NRG3: variants seen among roughly 807,000 people sequenced by gnomAD.
NRG3 encodes the protein neuregulin 3.
Under a neutral mutation model 66.9 loss-of-function variants are expected in NRG3, and 31 were observed. The observed-to-expected ratio is 0.46, with a 90% CI of 0.35 to 0.63. NRG3 has a LOEUF of 0.63. Among genes scored for constraint, NRG3 ranks in the 20% least tolerant of loss-of-function variants. The pLI, the probability that NRG3 is intolerant of heterozygous loss-of-function variation, is 0.00. For missense variants in NRG3, 910 were observed against 878.9 expected (o/e 1.04, Z -0.45); for synonymous variants, 393 against 359.4 (o/e 1.09, Z -1.06).
At chr10:82,035,588 C>T (rs762187840) in intron 1 of NRG3, among the ~76,000 whole-genome samples, 2 of 152,048 alleles carry the variant, frequency 1.3e-5, no homozygotes, top group African/African-American at 2.4e-5. Context: ...GAAAATATTT[C>T]ACCATGTATG....
intron 2 of NRG3, among the ~76,000 whole-genome samples, chr10:82,380,419 A>G (rs1255681845): frequency 6.6e-6 from 1 of 152,186 alleles, no homozygotes; most frequent in Non-Finnish European, 1.5e-5. Context: ...AGTACTGTAT[A>G]TAAAGCATCA....
chr10:82,757,385 A>C (rs143729798), intron 3 of NRG3, among the ~76,000 whole-genome samples: 407 of 152,224 alleles, frequency 2.7e-3, no homozygotes, highest in African/African-American at 9.4e-3. Flanking sequence ...GACAGTGATA[A>C]GGTAATTCAG....
chr10:82,895,529 C>T (rs1435980652), intron 4 of NRG3, among the ~76,000 whole-genome samples: 4 of 136,158 alleles, frequency 2.9e-5, no homozygotes, highest in Non-Finnish European at 6.1e-5. Flanking sequence ...CTCGCTCTGT[C>T]ACCCAGGCTG....
At chr10:82,376,339 A>G (rs2085237403) in intron 2 of NRG3, among the ~76,000 whole-genome samples, 1 of 152,198 alleles carries the variant, frequency 6.6e-6, no homozygotes, top group Non-Finnish European at 1.5e-5. Flanking sequence ...AGTGATTTCC[A>G]TGGGTAGCCC....
At chr10:82,168,250 A>G (rs927101618) in intron 1 of NRG3, among the ~76,000 whole-genome samples, 2 of 152,108 alleles carry the variant, frequency 1.3e-5, no homozygotes, top group Non-Finnish European at 2.9e-5. Flanking sequence ...TGCTTATATT[A>G]AAAATGCTGT....
At chr10:82,852,895 C>G (rs2063630063) in intron 3 of NRG3, among the ~76,000 whole-genome samples, 1 of 152,188 alleles carries the variant, frequency 6.6e-6, no homozygotes, top group Non-Finnish European at 1.5e-5. Flanking sequence ...CTGGATTCAA[C>G]TGAGTTCCCA....
chr10:82,027,926 G>A (rs1032390875), intron 1 of NRG3, among the ~76,000 whole-genome samples: 2 of 152,090 alleles, frequency 1.3e-5, no homozygotes, highest in South Asian at 2.1e-4. Flanking sequence ...ACTCAGATCC[G>A]GGTTGTGCAA....
At chr10:82,510,393 C>A (rs767221736) in intron 2 of NRG3, among the ~76,000 whole-genome samples, 3 of 152,074 alleles carry the variant, frequency 2.0e-5, no homozygotes, top group African/African-American at 4.8e-5. Flanking sequence ...AAGGGCTCTG[C>A]TGGTGAAACA....
chr10:82,286,084 G>A (rs1485469003), intron 1 of NRG3, among the ~76,000 whole-genome samples: 1 of 152,174 alleles, frequency 6.6e-6, no homozygotes, highest in Non-Finnish European at 1.5e-5. Context: ...ATCCACCTGT[G>A]TGTTCAGTTT....
chr10:82,716,974 T>G (rs2057009534), intron 2 of NRG3, among the ~76,000 whole-genome samples: 1 of 152,202 alleles, frequency 6.6e-6, no homozygotes, highest in South Asian at 2.1e-4. Flanking sequence ...ATTTAATCAG[T>G]GAAAATAAGT....
intron 3 of NRG3, among the ~76,000 whole-genome samples, chr10:82,821,935 C>G (rs981682059): frequency 2.0e-5 from 3 of 152,118 alleles, no homozygotes; most frequent in African/African-American, 7.2e-5. Context: ...ACATTTCTCC[C>G]TCCTTCCCTG....
At chr10:82,504,824 A>G (rs1053742683) in intron 2 of NRG3, among the ~76,000 whole-genome samples, 3 of 152,028 alleles carry the variant, frequency 2.0e-5, no homozygotes, top group Non-Finnish European at 4.4e-5. Context: ...GAACCCAGCT[A>G]ATGAATAAAT....
chr10:81,930,096 G>A (rs527569765), intron 1 of NRG3, among the ~76,000 whole-genome samples: 1 of 152,266 alleles, frequency 6.6e-6, no homozygotes, highest in East Asian at 1.9e-4. Flanking sequence ...GTGATCTGTG[G>A]AGTTTTATCT....
At chr10:82,247,819 C>T (rs2077311222) in intron 1 of NRG3, among the ~76,000 whole-genome samples, 1 of 152,098 alleles carries the variant, frequency 6.6e-6, no homozygotes, top group African/African-American at 2.4e-5. Context: ...CAGATATATT[C>T]ATATACTTCT....
chr10:82,743,032 G>C (rs1182975954), intron 3 of NRG3, among the ~76,000 whole-genome samples: 1 of 152,082 alleles, frequency 6.6e-6, no homozygotes, highest in Non-Finnish European at 1.5e-5. Context: ...ATGCAGTGGG[G>C]TAGAGAAGAT....
chr10:82,137,923 C>T (rs546779428), intron 1 of NRG3, among the ~76,000 whole-genome samples: 1 of 152,262 alleles, frequency 6.6e-6, no homozygotes, highest in South Asian at 2.1e-4. Flanking sequence ...CAGAATGATC[C>T]TTGTCCTTAA....
At position 82,270,627 on chromosome 10, in the gene NRG3, T is replaced by C. The variant is rs540699692; in HGVS notation, c.824-88112T>C. ...TCATTCTTCAAGGCCTGGTCAACTT[T>C]CCTTTGCCCTTCCGAAGGTATAGCA... On this transcript the variant is annotated intron_variant, in intron 1 of 8. Transcript: ENST00000372141. 2.8e-4 allele frequency among the ~76,000 whole-genome samples: 42 copies of C among 152,248 alleles called. No homozygotes were observed. The South Asian group carries it at 8.7e-3, about 32-fold the overall frequency.
rs75812657 is a variant in NRG3, at chr10:82,036,419, C to T, written c.823+160256C>T. On this transcript the variant is annotated intron_variant, in intron 1 of 8. Transcript: ENST00000372141. The stretch of plus-strand genomic sequence containing the variant: ...AACCCTGCTAGGCACAAGTTATTAT[C>T]CCCATTTCACAGATGAAGAAACCAG... Among the ~76,000 whole-genome samples the T allele has an allele frequency of 2.0e-5, 3 of 152,210 alleles. No homozygotes were observed. The East Asian group carries it at 5.8e-4, about 30-fold the overall frequency.
chr10:82,531,221 C>T (rs1033189362), intron 2 of NRG3, among the ~76,000 whole-genome samples: 5 of 151,500 alleles, frequency 3.3e-5, no homozygotes, highest in South Asian at 4.2e-4. Context: ...ACATAAAATG[C>T]GAGTCCATAC....
Sources: gnomAD v4.1 joint callset for allele counts (sites outside exome capture counted in the v4.1 genomes callset) on GRCh38, gnomAD v4.1.1 for gene constraint, MANE v1.5 for transcripts, NCBI Gene and HGNC (gene_info 2026-07-23, HGNC 2026-07-21) for gene names.